KDM2A: variants seen among roughly 807,000 people sequenced by gnomAD.
The protein encoded by KDM2A is lysine demethylase 2A.
A neutral mutation model predicts 137.3 loss-of-function variants in KDM2A; 3 were observed. That is an observed-to-expected ratio of 0.02 (90% confidence interval 0.01 to 0.06). The LOEUF (loss-of-function observed/expected upper bound fraction) is 0.06, where lower values mean the gene tolerates loss of function less well. Among genes scored for constraint, KDM2A ranks in the 10% least tolerant of loss-of-function variants. The probability of loss-of-function intolerance (pLI) is 1.00; values close to 1 mark genes in which losing one functional copy is unlikely to be tolerated. For synonymous variants in KDM2A, 512 were observed against 541.5 expected, an observed-to-expected ratio of 0.95 and a Z score of 0.76; for missense variants, 738 against 1,510.6, an observed-to-expected ratio of 0.49 and a Z score of 8.48.
chr11:67,121,270 A>G lies in KDM2A; in HGVS notation c.-47A>G, dbSNP rs1290558446. ...GGTTCCTAAGGAGGAAGAGGAAGGCAGCCCTGGAGTGGTTTCTTTACAGTA... is the reference window on the plus strand; with the variant it reads ...GGTTCCTAAGGAGGAAGAGGAAGGCGGCCCTGGAGTGGTTTCTTTACAGTA... On this transcript the variant is annotated 5_prime_UTR_variant, in exon 2 of 21. Transcript: ENST00000529006. The G allele has an allele frequency of 1.3e-6, 2 of 1,518,672 alleles. No homozygotes were observed. Among genetic ancestry groups the G allele is most frequent in the Admixed American group, 1.7e-5 (1 of 58,626 alleles). The allele number at this position is 1,518,672 out of a possible 1,614,324, so 94.1% of individuals were successfully genotyped here.
chr11:67,144,251 T>A (rs950940232), intron 2 of KDM2A, among the ~76,000 whole-genome samples: 2 of 138,498 alleles, frequency 1.4e-5, no homozygotes, highest in Admixed American at 1.4e-4. Flanking sequence ...TGGCCTTAAA[T>A]TTTTTTTTTT....
At chr11:67,235,909 C>T (rs980537933) in intron 12 of KDM2A, among the ~76,000 whole-genome samples, 2 of 152,136 alleles carry the variant, frequency 1.3e-5, no homozygotes, top group South Asian at 2.1e-4. Context: ...TGAGCCACTG[C>T]GCCCGGCCAA....
intron 12 of KDM2A, among the ~76,000 whole-genome samples, chr11:67,232,583 C>T (rs1431608294): frequency 6.6e-6 from 1 of 152,006 alleles, no homozygotes; most frequent in Non-Finnish European, 1.5e-5. Flanking sequence ...TTTGCTGCAC[C>T]CATTGACTCG....
chr11:67,224,007 G>T (rs558432635), intron 10 of KDM2A, among the ~76,000 whole-genome samples: 1 of 152,272 alleles, frequency 6.6e-6, no homozygotes, highest in East Asian at 1.9e-4. Flanking sequence ...CAGAATCAGG[G>T]TCTGGCTACT....
At chr11:67,241,280 C>T (rs1859033542) in intron 12 of KDM2A, among the ~76,000 whole-genome samples, 1 of 152,174 alleles carries the variant, frequency 6.6e-6, no homozygotes, top group South Asian at 2.1e-4. Context: ...CCCGCCTCTT[C>T]ACCCCCACGC....
intron 2 of KDM2A, among the ~76,000 whole-genome samples, chr11:67,175,443 A>AGC (rs1048585278): frequency 6.6e-6 from 1 of 152,226 alleles, no homozygotes; most frequent in Non-Finnish European, 1.5e-5. Context: ...GAAAAAAACC[A>AGC]GCACACACAC....
At chr11:67,211,825 C>T (rs778926155) in intron 6 of KDM2A, among the ~76,000 whole-genome samples, 5 of 151,978 alleles carry the variant, frequency 3.3e-5, no homozygotes, top group African/African-American at 4.8e-5. Flanking sequence ...TCTGTTTGTT[C>T]CCTGTGATCT....
At chr11:67,189,660 C>G (rs1003541276) in intron 5 of KDM2A, among the ~76,000 whole-genome samples, 1 of 151,532 alleles carries the variant, frequency 6.6e-6, no homozygotes, top group African/African-American at 2.4e-5. Context: ...GTCAACATGG[C>G]GAAACCCCAT....
chr11:67,140,613 C>A (rs751246411), intron 2 of KDM2A, among the ~76,000 whole-genome samples: 8 of 151,852 alleles, frequency 5.3e-5, no homozygotes, highest in Admixed American at 2.0e-4. Context: ...ATTAGCCAGG[C>A]GTTGTGGCAG....
chr11:67,257,630 T>C lies in KDM2A; in HGVS notation c.*2575T>C, dbSNP rs958643091. On this transcript the variant is annotated 3_prime_UTR_variant, in exon 21 of 21. Coordinates refer to ENST00000529006, the MANE Select transcript of KDM2A (RefSeq NM_012308.3). Reference sequence around the variant, plus strand: ...TAAAATCACTTGGTGATTAAAAAAATAACTGCTCCATAAATAAAACTCCTA... The same window carrying C: ...TAAAATCACTTGGTGATTAAAAAAACAACTGCTCCATAAATAAAACTCCTA... 2 of 152,274 alleles carry C rather than the reference T, an allele frequency of 1.3e-5. No individual in the cohort carries two copies. Among genetic ancestry groups the C allele is most frequent in the African/African-American group, 4.8e-5 (2 of 41,422 alleles). 9.4% of individuals were successfully genotyped at this position (152,274 alleles called of 1,614,324 possible). A position where few individuals can be genotyped will look rare whatever the true frequency, so the allele number is the denominator to read the frequency against.
chr11:67,219,558 AATT>A, intron 10 of KDM2A, 155 bp downstream of exon 10: 1 of 420,096 alleles, frequency 2.4e-6, no homozygotes, highest in Non-Finnish European at 4.2e-6. Context: ...TTTTAAATTT[AATT>A]TTTTTTTTTT....
chr11:67,162,858 C>T (rs1346722052), intron 2 of KDM2A, among the ~76,000 whole-genome samples: 1 of 152,084 alleles, frequency 6.6e-6, no homozygotes, highest in African/African-American at 2.4e-5. Flanking sequence ...GGACTGTAGG[C>T]ATGTGCCACC....
chr11:67,124,240 A>G (rs1855663973), intron 2 of KDM2A, among the ~76,000 whole-genome samples: 1 of 152,124 alleles, frequency 6.6e-6, no homozygotes, highest in South Asian at 2.1e-4. Flanking sequence ...CTGACCTCAG[A>G]TGATCCACCC....
At position 67,246,058 on chromosome 11, in the gene KDM2A, A is replaced by G. The variant is rs1185847947; in HGVS notation, c.1907A>G (p.Glu636Gly). ...VDQNEETQDF[E>G]KKLMECCICN... ...CAGAATGAAGAGACACAAGACTTTG[A>G]GAAGAAACTCATGGAATGCTGTATC... is the stretch of plus-strand genomic sequence containing the variant. The change falls in exon 15 of 21, where the codon GAG (glutamate) becomes GGG (glycine). Residue 636 changes from glutamate to glycine, a missense_variant. Glu to Gly is a moderately conservative substitution (Grantham distance 98). Around this residue, in one of 9 missense-constraint regions of KDM2A, gnomAD observed 20 missense variants for 62.3 expected, o/e 0.32. Coordinates refer to ENST00000529006, the MANE Select transcript of KDM2A (RefSeq NM_012308.3). The G allele has an allele frequency of 6.2e-7, 1 of 1,614,010 alleles. No individual in the cohort carries two copies. The highest frequency in any genetic ancestry group is 1.1e-5 in the South Asian group (1 of 91,082).
intron 10 of KDM2A, among the ~76,000 whole-genome samples, chr11:67,219,843 G>A (rs954458489): frequency 1.1e-4 from 16 of 150,768 alleles, no homozygotes; most frequent in Admixed American, 2.0e-4. Context: ...GAGCCACTGC[G>A]ACTGGCCAAA....
chr11:67,124,300 G>A (rs189506982), intron 2 of KDM2A, among the ~76,000 whole-genome samples: 4 of 151,308 alleles, frequency 2.6e-5, no homozygotes, highest in South Asian at 2.1e-4. Context: ...CACCGTGCCC[G>A]GCTTCACTTT....
At chr11:67,226,383 A>G (rs1858544511) in intron 10 of KDM2A, among the ~76,000 whole-genome samples, 1 of 152,218 alleles carries the variant, frequency 6.6e-6, no homozygotes, top group Admixed American at 6.5e-5. Flanking sequence ...TTGTTTAGAA[A>G]TAACTCCAAA....
At chr11:67,188,066 G>A (rs1216128780) in intron 5 of KDM2A, among the ~76,000 whole-genome samples, 1 of 152,070 alleles carries the variant, frequency 6.6e-6, no homozygotes, top group African/African-American at 2.4e-5. Flanking sequence ...AAGTTGGCTG[G>A]GCATGGTGTT....
chr11:67,255,473 A>C lies in KDM2A; in HGVS notation c.*418A>C. The C allele has an allele frequency of 2.2e-6, 1 of 459,068 alleles. No individual in the cohort carries two copies. The highest frequency in any genetic ancestry group is 1.5e-5 in the South Asian group (1 of 64,586). The allele number at this position is 459,068 out of a possible 1,614,324, so 28.4% of individuals were successfully genotyped here. A position where few individuals can be genotyped will look rare whatever the true frequency, so the allele number is the denominator to read the frequency against. On this transcript the variant is annotated 3_prime_UTR_variant, in exon 21 of 21. Transcript: ENST00000529006. ...CAGGGAAGAAAACGGCCCTGTCTCC[A>C]TGGCCAGGTTCTTGTGGTGTCCAGT...
Sources: gnomAD v4.1 joint callset for allele counts (sites outside exome capture counted in the v4.1 genomes callset) on GRCh38, gnomAD v4.1.1 for gene constraint, gnomAD v4.1.1 regional missense constraint, MANE v1.5 for transcripts, NCBI Gene and HGNC (gene_info 2026-07-23, HGNC 2026-07-21) for gene names.